The following MYH11 variants were observed in gnomAD, a reference collection of about 807,000 sequenced individuals.
MYH11 encodes myosin heavy chain 11, also known as myosin-11.
MYH11 carries 80 observed loss-of-function variants against 246.6 expected under a neutral mutation model. That is an observed-to-expected ratio of 0.32 (90% CI 0.27 to 0.39). MYH11 has a LOEUF of 0.39. Ranked by LOEUF, MYH11 falls within the 10% of genes least tolerant of loss-of-function variation. The pLI is 1.00. For synonymous variants in MYH11, 1,071 were observed against 1,015.5 expected, an observed-to-expected ratio of 1.05 and a Z score of -1.04; for missense variants, 2,158 against 2,546.8, an observed-to-expected ratio of 0.85 and a Z score of 3.29.
intron 1 of MYH11, among the ~76,000 whole-genome samples, chr16:15,855,083 C>T (rs1393802782): frequency 6.6e-6 from 1 of 152,102 alleles, no homozygotes; most frequent in Non-Finnish European, 1.5e-5. Context: ...TCTCTGCCCT[C>T]CCACGGAAAA....
At chr16:15,721,254 G>A in intron 32 of MYH11, 168 bp downstream of exon 32, 1 of 945,964 alleles carries the variant, frequency 1.1e-6, no homozygotes, top group South Asian at 1.4e-5. Context: ...ATCCTCGACT[G>A]CCATTCTCAG....
chr16:15,744,954 A>AT (rs1357374245), intron 20 of MYH11, among the ~76,000 whole-genome samples, 175 bp downstream of exon 20: 7 of 152,240 alleles, frequency 4.6e-5, no homozygotes, highest in African/African-American at 1.7e-4. Flanking sequence ...GCTATAGCCT[A>AT]TGTGCCAAAG....
In MYH11 at chr16:15,839,331, C is replaced by G. The variant is rs184022071; in HGVS notation, c.-17-1062G>C. ...AGTGAAACAAATCAGAAAGGCCACA[C>G]GCTCTATTACTCCTTCAATACGAAA... is the stretch of plus-strand genomic sequence containing the variant. On this transcript the variant is annotated intron_variant, in intron 1 of 40. Coordinates refer to ENST00000300036, the MANE Select transcript of MYH11 (RefSeq NM_002474.3). 3.3e-5 allele frequency among the ~76,000 whole-genome samples: 5 copies of G among 152,268 alleles called. No homozygotes were observed. The South Asian group carries it at 8.3e-4, about 25-fold the overall frequency.
chr16:15,800,833 C>A (rs1684763706), intron 3 of MYH11, among the ~76,000 whole-genome samples: 1 of 152,028 alleles, frequency 6.6e-6, no homozygotes, highest in African/African-American at 2.4e-5. Context: ...CCTGGTTGAA[C>A]GAAATCCTCA....
At chr16:15,831,353 T>G (rs1486986760) in intron 2 of MYH11, among the ~76,000 whole-genome samples, 1 of 152,068 alleles carries the variant, frequency 6.6e-6, no homozygotes, top group East Asian at 1.9e-4. Context: ...AAAACATATT[T>G]GAAGTCTGAC....
intron 8 of MYH11, among the ~76,000 whole-genome samples, chr16:15,773,973 A>C (rs2042164592): frequency 6.6e-6 from 1 of 152,094 alleles, no homozygotes; most frequent in South Asian, 2.1e-4. Context: ...TATACCCTCC[A>C]ATACATCAAG....
At chr16:15,732,504 T>G in intron 27 of MYH11, 60 bp downstream of exon 27, 4 of 1,612,664 alleles carry the variant, frequency 2.5e-6, no homozygotes, top group Non-Finnish European at 3.4e-6. Flanking sequence ...TGTAGTAATT[T>G]GAGGCTGCTG....
At chr16:15,709,979 C>T (rs2039686488) in intron 40 of MYH11, among the ~76,000 whole-genome samples, 1 of 152,174 alleles carries the variant, frequency 6.6e-6, no homozygotes, top group Non-Finnish European at 1.5e-5. Context: ...GTGAAACTCG[C>T]ACTACAGTTC....
intron 8 of MYH11, among the ~76,000 whole-genome samples, chr16:15,772,523 C>T (rs1053369594): frequency 6.6e-6 from 1 of 152,212 alleles, no homozygotes; most frequent in Non-Finnish European, 1.5e-5. Flanking sequence ...CTACCTTACT[C>T]CATAATACCT....
At chr16:15,757,052 C>A (rs1339596307) in intron 13 of MYH11, among the ~76,000 whole-genome samples, 1 of 151,990 alleles carries the variant, frequency 6.6e-6, no homozygotes. Flanking sequence ...CCCGCCTCGG[C>A]CTCCCAAAGT....
At chr16:15,713,820 T>G (rs10521101) in intron 40 of MYH11, 1 of 152,254 alleles carries the variant, frequency 6.6e-6, no homozygotes, top group Non-Finnish European at 1.5e-5. Context: ...TTTCACCAAA[T>G]GATTGCAGCA....
At chr16:15,718,137 C>G in intron 37 of MYH11, 178 bp downstream of exon 37, 1 of 967,046 alleles carries the variant, frequency 1.0e-6, no homozygotes. Flanking sequence ...ATTCTGAAGA[C>G]AGCAGCCTGG....
At chr16:15,712,205 C>G (rs1228976229) in intron 40 of MYH11, among the ~76,000 whole-genome samples, 1 of 152,146 alleles carries the variant, frequency 6.6e-6, no homozygotes, top group Non-Finnish European at 1.5e-5. Flanking sequence ...TGTGAGCTGC[C>G]TATTAGACAT....
At chr16:15,718,937 G>A in intron 36 of MYH11, 1 of 452,056 alleles carries the variant, frequency 2.2e-6, no homozygotes, top group South Asian at 2.1e-5. Context: ...AGACTAGCCT[G>A]GCCAACATGG....
chr16:15,793,618 T>TC (rs1406007322), intron 4 of MYH11, among the ~76,000 whole-genome samples: 5 of 55,336 alleles, frequency 9.0e-5, no homozygotes, highest in African/African-American at 6.2e-4. Context: ...TTCTTTTCTT[T>TC]TTTTTTTTTT....
In MYH11 at chr16:15,719,273, C is replaced by T. The variant is rs147582612; in HGVS notation, c.5118G>A (p.Ala1706=). ...CTGCCAGTTCCTCCTTCTCGAGGTC[C>T]GCTTGTTTGCGAGCCCTCTCAGCGG... The part of the protein sequence containing the change: ...LAAAERARKQ[A]DLEKEELAEE... The change falls in exon 36 of 41, where the codon GCG becomes GCA. Residue 1706 remains alanine (A), a synonymous_variant. Coordinates refer to ENST00000300036, the MANE Select transcript of MYH11 (RefSeq NM_002474.3). The T allele has an allele frequency of 3.0e-5, 48 of 1,612,886 alleles. No individual in the cohort carries two copies. The highest frequency in any genetic ancestry group is 2.8e-4 in the African/African-American group (21 of 74,908).
chr16:15,719,486 G>C (rs2040350353), intron 35 of MYH11, 99 bp downstream of exon 35: 4 of 1,579,970 alleles, frequency 2.5e-6, no homozygotes, highest in Middle Eastern at 2.1e-4. Context: ...GACCCCAGAG[G>C]AGGACGAAAT....
At position 15,738,697 on chromosome 16, in the gene MYH11, G is replaced by C; in HGVS notation, c.2998-9C>G. On this transcript the variant is annotated splice_polypyrimidine_tract_variant and intron_variant, in intron 23 of 40. Coordinates refer to ENST00000300036, the MANE Select transcript of MYH11 (RefSeq NM_002474.3). The stretch of plus-strand genomic sequence containing the variant: ...TCAAGGAGTTTTCGTTCCTTTTTGG[G>C]GAAAGAGAAAGAGATAGCTTTAGGA... 2 of 1,613,156 alleles carry C rather than the reference G, an allele frequency of 1.2e-6. No individual in the cohort carries two copies. Among genetic ancestry groups the C allele is most frequent in the South Asian group, 2.2e-5 (2 of 90,910 alleles).
At chr16:15,823,114 T>C in intron 3 of MYH11, 141 bp downstream of exon 3, 1 of 1,238,408 alleles carries the variant, frequency 8.1e-7, no homozygotes, top group Non-Finnish European at 1.1e-6. Context: ...ATGTTCCTTT[T>C]GCTTTTTCCC....
Sources: allele counts gnomAD v4.1 joint callset (sites outside exome capture counted in the v4.1 genomes callset), GRCh38; gene constraint gnomAD v4.1.1; transcripts MANE v1.5; gene names NCBI Gene and HGNC (gene_info 2026-07-23, HGNC 2026-07-21).